The following EPRS1 variants were observed in gnomAD, a reference collection of about 807,000 sequenced individuals.
EPRS1 encodes bifunctional glutamate/proline--tRNA ligase.
In EPRS1, 107 loss-of-function variants were observed where a neutral mutation model predicts 188.3. That is an observed-to-expected ratio of 0.57 (90% CI 0.49 to 0.67). The LOEUF (loss-of-function observed/expected upper bound fraction) is 0.67. Among genes scored for constraint, EPRS1 ranks in the 30% least tolerant of loss-of-function variants. EPRS1 has a pLI of 0.00. For missense variants in EPRS1, 1,577 were observed against 1,802.2 expected, an observed-to-expected ratio of 0.88 and a Z score of 2.26; for synonymous variants, 596 against 593.1, an observed-to-expected ratio of 1.00 and a Z score of -0.07.
At chr1:219,974,703 G>C (rs1444146626) in intron 28 of EPRS1, among the ~76,000 whole-genome samples, 4 of 151,962 alleles carry the variant, frequency 2.6e-5, no homozygotes, top group Non-Finnish European at 4.4e-5. Flanking sequence ...GGAACCAACT[G>C]TTGTATGCTA....
rs1339725280 is a variant in EPRS1 at position 219,978,616 on chromosome 1, T to C, written c.4013A>G (p.Asn1338Ser). The C allele has an allele frequency of 1.2e-6, 2 of 1,612,034 alleles. No individual in the cohort carries two copies. Among genetic ancestry groups the C allele is most frequent in the South Asian group, 1.1e-5 (1 of 90,712 alleles). The change falls in exon 28 of 32, where the codon AAC (asparagine) becomes AGC (serine). Residue 1338 changes from asparagine (N) to serine (S), a missense_variant. Asn to Ser is a conservative substitution (Grantham distance 46). Transcript: ENST00000366923. ...NDYRRRLLSV[N>S]IRVRADLRDN... ...TCGTAAATCAGCTCTAACGCGGATGTTAACACTGAGTAATCGCCTTCGATA... is the reference window on the plus strand; with the variant it reads ...TCGTAAATCAGCTCTAACGCGGATGCTAACACTGAGTAATCGCCTTCGATA...
chr1:219,983,283 T>C lies in EPRS1; in HGVS notation c.3206A>G (p.Lys1069Arg). The change falls in exon 22 of 32, where the codon AAG (lysine) becomes AGG (arginine). Residue 1069 changes from lysine (K) to arginine (R), a missense_variant. Coordinates refer to ENST00000366923, the MANE Select transcript of EPRS1 (RefSeq NM_004446.3). ...GTAGCAGTTTTCAACACCAAGTTTC[T>C]TGATCTCAGCATCAAAAAAGTCCTT... ...AIKDFFDAEI[K>R]KLGVENCYFP... is the part of the protein sequence containing the mutation. 1 of 1,614,166 alleles carries C rather than the reference T, an allele frequency of 6.2e-7. No homozygotes were observed. Among genetic ancestry groups the C allele is most frequent in the Non-Finnish European group, 8.5e-7 (1 of 1,179,978 alleles).
At chr1:220,042,782 G>A (rs1460764110) in intron 1 of EPRS1, among the ~76,000 whole-genome samples, 2 of 151,950 alleles carry the variant, frequency 1.3e-5, no homozygotes, top group South Asian at 2.1e-4. Flanking sequence ...TTAGCTGGGC[G>A]TGGTGGCATG....
chr1:219,991,816 T>C (rs1178736539), intron 18 of EPRS1, among the ~76,000 whole-genome samples: 3 of 152,174 alleles, frequency 2.0e-5, no homozygotes, highest in Non-Finnish European at 4.4e-5. Context: ...TTACCTGCTA[T>C]TTTTCTCTGA....
At chr1:220,012,332 A>G (rs1402400348) in intron 12 of EPRS1, among the ~76,000 whole-genome samples, 3 of 152,218 alleles carry the variant, frequency 2.0e-5, no homozygotes, top group Non-Finnish European at 4.4e-5. Flanking sequence ...TCAGTTCAGT[A>G]TTTAAGTCAG....
At chr1:220,024,137 G>A in intron 8 of EPRS1, 127 bp downstream of exon 8, 2 of 657,798 alleles carry the variant, frequency 3.0e-6, no homozygotes, top group East Asian at 2.9e-5. Flanking sequence ...AGGCAACAGA[G>A]CGAGACTCCT....
chr1:220,020,546 C>T (rs1169486878), intron 9 of EPRS1, among the ~76,000 whole-genome samples: 1 of 151,764 alleles, frequency 6.6e-6, no homozygotes, highest in Non-Finnish European at 1.5e-5. Flanking sequence ...ATAAATAATA[C>T]ATGTAATAAT....
chr1:220,042,855 A>C (rs1662324923), intron 1 of EPRS1, among the ~76,000 whole-genome samples: 3 of 151,918 alleles, frequency 2.0e-5, no homozygotes. Context: ...TGGGAGGCAG[A>C]GGTTTCAGTG....
chr1:220,001,363 CTTTCTT>C (rs1661348242), intron 16 of EPRS1, 108 bp from the exon 17 acceptor site: 3 of 716,156 alleles, frequency 4.2e-6, no homozygotes, highest in Non-Finnish European at 7.4e-6. Flanking sequence ...TAATGCTTTT[CTTTCTT>C]TTTTTCTTTC....
rs1661482703 is a variant in EPRS1 at position 220,006,225 on chromosome 1, C to A, written c.1831G>T (p.Ala611Ser). Residue 611 changes from alanine (A) to serine (S), a missense_variant, in exon 15 of 32, where the codon GCA becomes TCA. Ala to Ser is a moderately conservative substitution (Grantham distance 99, BLOSUM62 1). This residue lies in a region of EPRS1 where 1,278 missense variants were observed against 1,457.4 expected (regional missense o/e 0.88). Coordinates refer to ENST00000366923, the MANE Select transcript of EPRS1 (RefSeq NM_004446.3). ...ATAGGAAGAGCATGTGTAGTCTCTG[C>A]AAGCCAAGTGACCTTAGTGGTTTTC... Reference protein sequence around the residue: ...YKKTTKVTWLAETTHALPIPV... With the variant: ...YKKTTKVTWLSETTHALPIPV... The A allele has an allele frequency of 1.2e-6, 2 of 1,604,088 alleles. No homozygotes were observed. The highest frequency in any genetic ancestry group is 1.7e-6 in the Non-Finnish European group (2 of 1,173,966).
At chr1:220,042,036 C>T (rs372920881) in intron 1 of EPRS1, among the ~76,000 whole-genome samples, 2 of 152,018 alleles carry the variant, frequency 1.3e-5, no homozygotes, top group African/African-American at 4.8e-5. Flanking sequence ...TAAAAATTAG[C>T]TGGGCGTGGC....
chr1:219,969,250 A>C, intron 30 of EPRS1, 128 bp from the exon 31 acceptor site: 4 of 675,948 alleles, frequency 5.9e-6, no homozygotes, highest in Non-Finnish European at 7.8e-6. Flanking sequence ...TTTTCAGGCT[A>C]TGATACCTTT....
At chr1:220,038,390 C>CTTTTTTTTTTTTT (rs71169431) in intron 2 of EPRS1, among the ~76,000 whole-genome samples, 6 of 101,560 alleles carry the variant, frequency 5.9e-5, no homozygotes, top group Admixed American at 1.3e-4. Flanking sequence ...CTCAGTTTAT[C>CTTTTTTTTTTTTT]TTTTTTTTTT....
chr1:220,043,137 G>C (rs1662330797), intron 1 of EPRS1, among the ~76,000 whole-genome samples: 1 of 152,076 alleles, frequency 6.6e-6, no homozygotes, highest in East Asian at 1.9e-4. Flanking sequence ...GGAAAGGAAT[G>C]ACTGCAAAGG....
intron 20 of EPRS1, among the ~76,000 whole-genome samples, chr1:219,986,930 C>A (rs1661017836): frequency 6.6e-6 from 1 of 152,140 alleles, no homozygotes. Context: ...TGCACAGGAA[C>A]TTCTTACATT....
At chr1:220,000,405 T>C (rs964513023) in intron 17 of EPRS1, among the ~76,000 whole-genome samples, 1 of 152,196 alleles carries the variant, frequency 6.6e-6, no homozygotes, top group Admixed American at 6.5e-5. Flanking sequence ...TATATTACGA[T>C]GTATTTTGTC....
intron 17 of EPRS1, among the ~76,000 whole-genome samples, chr1:220,000,114 C>T (rs556838694): frequency 6.6e-6 from 1 of 152,180 alleles, no homozygotes; most frequent in Non-Finnish European, 1.5e-5. Flanking sequence ...GAAAAATCGG[C>T]TGTTATTTTC....
chr1:220,044,681 C>CAAAAAAAAAAAA lies in EPRS1; in HGVS notation c.46+1650_46+1661dup, dbSNP rs71560597. On this transcript the variant is annotated intron_variant, in intron 1 of 31. Transcript: ENST00000366923. ...CAGAGGTTGCAATGAGCTCGGTCTCCAAAAAAAAAAAAAAAAAAAAAAAAA... is the reference window on the plus strand; with the variant it reads ...CAGAGGTTGCAATGAGCTCGGTCTCCAAAAAAAAAAAAAAAAAAAAAAAAAAAAAAAAAAAAA... Among the ~76,000 whole-genome samples the CAAAAAAAAAAAA allele has an allele frequency of 7.5e-4, 66 of 88,334 alleles. 4 individuals carry two copies. Among genetic ancestry groups the CAAAAAAAAAAAA allele is most frequent in the African/African-American group, 2.5e-3 (61 of 24,114 alleles). 58.0% of individuals were successfully genotyped at this position (88,334 alleles called of 152,430 possible).
chr1:219,969,239 T>C (rs1173371856), intron 30 of EPRS1, 117 bp from the exon 31 acceptor site: 1 of 710,582 alleles, frequency 1.4e-6, no homozygotes, highest in Non-Finnish European at 2.4e-6. Flanking sequence ...CTCCCAACCT[T>C]TTTTCAGGCT....
Sources: allele counts gnomAD v4.1 joint callset (sites outside exome capture counted in the v4.1 genomes callset), GRCh38; gene constraint gnomAD v4.1.1; regional missense constraint gnomAD v4.1.1; transcripts MANE v1.5; gene names NCBI Gene and HGNC (gene_info 2026-07-23, HGNC 2026-07-21).